Variants in CPXM2 observed in about 807,000 individuals in gnomAD.
CPXM2 encodes inactive carboxypeptidase-like protein X2.
Under a neutral mutation model 86.1 loss-of-function variants are expected in CPXM2, and 66 were observed. That is an observed-to-expected ratio of 0.77 (90% CI 0.63 to 0.94). The LOEUF (loss-of-function observed/expected upper bound fraction) is 0.94, where lower values mean the gene tolerates loss of function less well. CPXM2 is among the 40% of genes least tolerant of loss of function. CPXM2 has a pLI of 0.00. For synonymous variants in CPXM2, 388 were observed against 400.2 expected (o/e 0.97, Z 0.36); for missense variants, 948 against 1,026.3 (o/e 0.92, Z 1.04).
chr10:123,780,191 G>A lies in CPXM2; in HGVS notation c.954C>T (p.His318=), dbSNP rs1487713377. 1.9e-6 allele frequency: 3 copies of A among 1,609,036 alleles called. No homozygotes were observed. Among genetic ancestry groups the A allele is most frequent in the Non-Finnish European group, 2.6e-6 (3 of 1,175,374 alleles). ...MTTTDDLDFK[H]HNYKEMRQLM... ...CCTGGCGCATTTCCTTATAATTGTG[G>A]TGCTTAAAATCCAGGTCATCAGTGG... Residue 318 remains histidine (H), a synonymous_variant, in exon 7 of 14, where the codon CAC becomes CAT. Transcript: ENST00000241305.
chr10:123,891,648 C>G lies in CPXM2; in HGVS notation c.12G>C (p.Pro4=). MSR[P]GTATPALALV... is the part of the protein sequence containing the mutation. ...GGGCCAGCGCTGGGGTAGCGGTCCC[C>G]GGGCGGGACATGCCTGCTCCGCCCC... Residue 4 remains proline, a synonymous_variant, in exon 1 of 14, where the codon CCG becomes CCC. Coordinates refer to ENST00000241305, the MANE Select transcript of CPXM2 (RefSeq NM_198148.3). This position sits in a 1 kb window ranked among gnomAD's most constrained non-coding sequence, Gnocchi z 5.6. The G allele has an allele frequency of 6.9e-7, 1 of 1,443,328 alleles. No homozygotes were observed. The highest frequency in any genetic ancestry group is 2.8e-5 in the Admixed American group (1 of 36,110). The allele number at this position is 1,443,328 out of a possible 1,614,324, so 89.4% of individuals were successfully genotyped here.
intron 6 of CPXM2, among the ~76,000 whole-genome samples, chr10:123,787,387 A>G (rs925632826): frequency 2.6e-5 from 4 of 151,424 alleles, no homozygotes; most frequent in Admixed American, 6.6e-5. Context: ...ACTACATGAG[A>G]CTTTTTTTTT....
intron 4 of CPXM2, among the ~76,000 whole-genome samples, chr10:123,802,182 C>T (rs546073836): frequency 6.8e-4 from 104 of 152,278 alleles, no homozygotes; most frequent in African/African-American, 2.4e-3. Flanking sequence ...CTCTGCCAGG[C>T]AGTAGGGAGC....
intron 6 of CPXM2, among the ~76,000 whole-genome samples, chr10:123,790,414 A>T (rs1458116120): frequency 6.6e-6 from 1 of 152,156 alleles, no homozygotes; most frequent in Non-Finnish European, 1.5e-5. Flanking sequence ...CCAGGGGAAC[A>T]GATGTGAACT....
chr10:123,875,661 C>T (rs543093817), intron 2 of CPXM2, among the ~76,000 whole-genome samples: 116 of 152,280 alleles, frequency 7.6e-4, no homozygotes, highest in Non-Finnish European at 1.4e-3. Context: ...GGCCAATCCC[C>T]AAGTATGGTG....
chr10:123,822,070 T>C (rs1847936017), intron 4 of CPXM2, among the ~76,000 whole-genome samples: 1 of 152,230 alleles, frequency 6.6e-6, no homozygotes, highest in Admixed American at 6.5e-5. Flanking sequence ...GAACCAGATG[T>C]GTGACCAATG....
chr10:123,927,403 A>G (rs1945632499), intron 2 of CPXM2, among the ~76,000 whole-genome samples: 2 of 152,348 alleles, frequency 1.3e-5, no homozygotes, highest in South Asian at 2.1e-4. Flanking sequence ...TTACAATCAG[A>G]GAGTAAAAAC....
intron 3 of CPXM2, among the ~76,000 whole-genome samples, chr10:123,858,908 G>A (rs1306736124): frequency 6.6e-6 from 1 of 152,198 alleles, no homozygotes; most frequent in Non-Finnish European, 1.5e-5. Context: ...TACTCCTTTT[G>A]ACACTCACAA....
chr10:123,817,484 T>C (rs1285644560), intron 4 of CPXM2, among the ~76,000 whole-genome samples: 2 of 152,208 alleles, frequency 1.3e-5, no homozygotes, highest in African/African-American at 4.8e-5. Flanking sequence ...AACATTTGTC[T>C]ATGGGTCATC....
intron 4 of CPXM2, among the ~76,000 whole-genome samples, chr10:123,813,488 A>T (rs1358071788): frequency 2.6e-5 from 4 of 152,208 alleles, no homozygotes; most frequent in African/African-American, 9.6e-5. Flanking sequence ...GCCAACCTTT[A>T]GGGGTCCTTA....
intron 2 of CPXM2, among the ~76,000 whole-genome samples, chr10:123,935,645 G>A (rs932590866): frequency 6.6e-6 from 1 of 152,196 alleles, no homozygotes; most frequent in Non-Finnish European, 1.5e-5. Flanking sequence ...GTAGTGGGTA[G>A]GAGCCCAGAC....
intron 12 of CPXM2, among the ~76,000 whole-genome samples, chr10:123,755,277 T>C (rs748157867): frequency 6.6e-6 from 1 of 152,242 alleles, no homozygotes; most frequent in Middle Eastern, 3.4e-3. Context: ...GAATGTCTGC[T>C]GAGGGGGAAG....
At chr10:123,751,491 C>T (rs1846075772) in intron 13 of CPXM2, 1 of 984,746 alleles carries the variant, frequency 1.0e-6, no homozygotes, top group Non-Finnish European at 1.2e-6. Context: ...GACACATCTC[C>T]TATACGTGGG....
upstream of CPXM2, among the ~76,000 whole-genome samples, chr10:123,940,524 G>A (rs1945765262): frequency 6.6e-6 from 1 of 151,780 alleles, no homozygotes; most frequent in South Asian, 2.1e-4. Flanking sequence ...GCCCATCTCT[G>A]ATCTACACTC....
intron 2 of CPXM2, among the ~76,000 whole-genome samples, chr10:123,879,540 C>T (rs756645763): frequency 6.6e-6 from 1 of 152,066 alleles, no homozygotes; most frequent in Non-Finnish European, 1.5e-5. Flanking sequence ...CAGCCAAGTG[C>T]CTGGCTACTA....
chr10:123,863,717 T>C (rs563797030), intron 2 of CPXM2, among the ~76,000 whole-genome samples: 2 of 152,140 alleles, frequency 1.3e-5, no homozygotes, highest in Non-Finnish European at 2.9e-5. Context: ...AACCTTCTCA[T>C]GCTGTCCCAG....
rs201710320 is a variant in CPXM2, at chr10:123,762,057, C to T, written c.1592G>A (p.Arg531Gln). The change falls in exon 11 of 14, where the codon CGG becomes CAG. Residue 531 changes from arginine (R) to glutamine (Q), a missense_variant. By Grantham distance (43) the Arg-to-Gln change is conservative (BLOSUM62 1). Coordinates refer to ENST00000241305, the MANE Select transcript of CPXM2 (RefSeq NM_198148.3). ...GTGTTCCTGCGTCTTCCAGGGGGACCGCACCAGGTCGTAGGGGTACGCCAC... is the reference window on the plus strand; with the variant it reads ...GTGTTCCTGCGTCTTCCAGGGGGACTGCACCAGGTCGTAGGGGTACGCCAC... ...LVVAYPYDLV[R>Q]SPWKTQEHTP... 2.0e-4 allele frequency: 321 copies of T among 1,613,998 alleles called. 1 individual carries two copies. Among genetic ancestry groups the T allele is most frequent in the East Asian group, 6.9e-4 (31 of 44,870 alleles).
rs779919295 is a variant in CPXM2 at position 123,780,167 on chromosome 10, C to G, written c.978G>C (p.Gln326His). The G allele has an allele frequency of 1.9e-6, 3 of 1,589,916 alleles. No homozygotes were observed. In the East Asian group the frequency reaches 6.7e-5, roughly 36 times the overall value. The change falls in exon 7 of 14, where the codon CAG becomes CAC. Residue 326 changes from glutamine (Q) to histidine (H), a missense_variant and splice_region_variant. Physicochemically the swap from Gln to His is conservative, Grantham distance 24 (BLOSUM62 0). Coordinates refer to ENST00000241305, the MANE Select transcript of CPXM2 (RefSeq NM_198148.3). ...TGAGGCTTTGTGATCTGGGTCTTACCTGGCGCATTTCCTTATAATTGTGGT... is the reference window on the plus strand; with the variant it reads ...TGAGGCTTTGTGATCTGGGTCTTACGTGGCGCATTTCCTTATAATTGTGGT... ...FKHHNYKEMR[Q>H]LMKVVNEMCP... is the part of the protein sequence containing the mutation.
chr10:123,924,265 C>T (rs1173422956), intron 2 of CPXM2, among the ~76,000 whole-genome samples: 1 of 152,272 alleles, frequency 6.6e-6, no homozygotes, highest in Non-Finnish European at 1.5e-5. Context: ...CACAAGACTG[C>T]CCCCACTGCA....
Sources: allele counts gnomAD v4.1 joint callset (sites outside exome capture counted in the v4.1 genomes callset), GRCh38; gene constraint gnomAD v4.1.1; non-coding constraint Gnocchi (gnomAD v3.1); transcripts MANE v1.5; gene names NCBI Gene and HGNC (gene_info 2026-07-23, HGNC 2026-07-21).